The following KLF13 variants were observed in gnomAD, a reference collection of about 807,000 sequenced individuals.
The protein encoded by KLF13 is KLF transcription factor 13, also known as Krueppel-like factor 13.
KLF13 carries 8 observed loss-of-function variants against 16.7 expected under a neutral mutation model. The ratio of observed to expected loss-of-function variants is 0.48; its 90% CI spans 0.28 to 0.87. KLF13 has a LOEUF of 0.87. Among genes scored for constraint, KLF13 ranks in the 40% least tolerant of loss-of-function variants. The pLI, the probability that KLF13 is intolerant of heterozygous loss-of-function variation, is 0.10. For synonymous variants in KLF13, 245 were observed against 208.4 expected (o/e 1.18, Z -1.51); for missense variants, 447 against 452.2 (o/e 0.99, Z 0.10).
chr15:31,351,405 C>T (rs1490161626), intron 1 of KLF13, among the ~76,000 whole-genome samples: 2 of 152,200 alleles, frequency 1.3e-5, no homozygotes, highest in African/African-American at 2.4e-5. Context: ...TTCTGTTCTA[C>T]ATTTTCCTGC....
In KLF13 at chr15:31,372,255, T is replaced by A; in HGVS notation, c.823T>A (p.Ser275Thr). The change falls in exon 2 of 2, where the codon TCC becomes ACC. Residue 275 changes from serine (S) to threonine (T), a missense_variant. By Grantham distance (58) the Ser-to-Thr change is moderately conservative (BLOSUM62 1). This residue lies in a region of KLF13 where 88 missense variants were observed against 169.5 expected (regional missense o/e 0.52). Transcript: ENST00000307145. ...RTGSLSDYSR[S>T]DASSPTISPA... ...CGGCTCCCTCAGCGACTACAGCCGC[T>A]CCGACGCCAGCAGCCCCACCATCAG... is the stretch of plus-strand genomic sequence containing the variant. The A allele has an allele frequency of 6.5e-7, 1 of 1,543,770 alleles. No homozygotes were observed. The highest frequency in any genetic ancestry group is 1.2e-5 in the South Asian group (1 of 84,348).
intron 1 of KLF13, among the ~76,000 whole-genome samples, chr15:31,334,161 C>T (rs2038886457): frequency 1.3e-5 from 2 of 152,204 alleles, no homozygotes; most frequent in South Asian, 4.1e-4. Context: ...GTGCTCCTTT[C>T]CCCAAACAGA....
chr15:31,339,131 C>T (rs1298481868), intron 1 of KLF13, among the ~76,000 whole-genome samples: 1 of 152,154 alleles, frequency 6.6e-6, no homozygotes, highest in African/African-American at 2.4e-5. Flanking sequence ...TCCTCCTACA[C>T]AGCAGAACTG....
chr15:31,385,119 CAAG>C (rs767386392), intron 1 of KLF13, among the ~76,000 whole-genome samples: 5 of 152,206 alleles, frequency 3.3e-5, no homozygotes, highest in African/African-American at 7.2e-5. Flanking sequence ...CATCTGCAAA[CAAG>C]GAGGAGAGCC....
intron 1 of KLF13, among the ~76,000 whole-genome samples, chr15:31,383,880 C>A (rs575016262): frequency 2.6e-5 from 4 of 151,652 alleles, no homozygotes. Flanking sequence ...CCAGCCTGGG[C>A]AACAGAGCGA....
chr15:31,332,630 G>A (rs1011431787), intron 1 of KLF13, among the ~76,000 whole-genome samples: 1 of 152,228 alleles, frequency 6.6e-6, no homozygotes, highest in Non-Finnish European at 1.5e-5. Context: ...GCAGAGATGG[G>A]GGCCTGATCC....
At chr15:31,335,798 A>G (rs1160273597) in intron 1 of KLF13, among the ~76,000 whole-genome samples, 2 of 152,136 alleles carry the variant, frequency 1.3e-5, no homozygotes, top group African/African-American at 4.8e-5. Context: ...CTCTGCATGG[A>G]TGGGTGACCC....
chr15:31,432,595 T>G (rs113102367), intron 1 of KLF13, among the ~76,000 whole-genome samples: 2 of 151,896 alleles, frequency 1.3e-5, no homozygotes, highest in Admixed American at 6.6e-5. Flanking sequence ...ACTATAGGCA[T>G]GCACCACCAC....
intron 2 of KLF13, among the ~76,000 whole-genome samples, chr15:31,395,683 A>C (rs1335533491): frequency 1.3e-5 from 2 of 152,256 alleles, no homozygotes; most frequent in African/African-American, 2.4e-5. Context: ...AGCCATCGTC[A>C]CGGATGTGAA....
chr15:31,327,113 G>GGCCCC lies in KLF13; in HGVS notation c.-100_-99insGCCCC. ...CCAGCCCAGCCCGAGGAGAGGGCGC[G>GGCCCC]CCGCGCCCCCGCCCCCCGCCCGCTC... On this transcript the variant is annotated 5_prime_UTR_variant, in exon 1 of 2. Transcript: ENST00000307145. The GGCCCC allele has an allele frequency of 1.1e-6, 1 of 951,534 alleles. No homozygotes were observed. Among genetic ancestry groups the GGCCCC allele is most frequent in the Non-Finnish European group, 1.3e-6 (1 of 764,608 alleles). 58.9% of individuals were successfully genotyped at this position (951,534 alleles called of 1,614,324 possible). A position where few individuals can be genotyped will look rare whatever the true frequency, so the allele number is the denominator to read the frequency against.
At chr15:31,402,789 G>A (rs763239176) in intron 2 of KLF13, among the ~76,000 whole-genome samples, 63 of 152,170 alleles carry the variant, frequency 4.1e-4, no homozygotes, top group Non-Finnish European at 8.7e-4. Context: ...TTTCCCCTGG[G>A]ATGTGTAGGC....
chr15:31,422,728 T>A (rs1405266865), intron 1 of KLF13, among the ~76,000 whole-genome samples: 3 of 151,950 alleles, frequency 2.0e-5, no homozygotes, highest in Non-Finnish European at 4.4e-5. Flanking sequence ...AAAATGAACA[T>A]ATAACAATAA....
intron 1 of KLF13, among the ~76,000 whole-genome samples, chr15:31,420,826 G>A (rs141040194): frequency 1.3e-5 from 2 of 151,944 alleles, no homozygotes; most frequent in East Asian, 3.9e-4. Flanking sequence ...CCGAGTAGCT[G>A]GGATTACAAG....
At chr15:31,330,889 A>G (rs141858488) in intron 1 of KLF13, among the ~76,000 whole-genome samples, 66 of 152,334 alleles carry the variant, frequency 4.3e-4, no homozygotes, top group African/African-American at 1.5e-3. Context: ...GGGGAGCAGC[A>G]AGACCAGGAG....
intron 1 of KLF13, among the ~76,000 whole-genome samples, chr15:31,336,763 A>G (rs1197173692): frequency 1.3e-5 from 2 of 152,138 alleles, no homozygotes; most frequent in Non-Finnish European, 2.9e-5. Context: ...GCATGGGTCC[A>G]GCAGGTCATT....
intron 1 of KLF13, among the ~76,000 whole-genome samples, chr15:31,340,853 G>A (rs572356669): frequency 4.5e-4 from 68 of 152,234 alleles, no homozygotes; most frequent in African/African-American, 1.5e-3. Flanking sequence ...TGGGCGACAC[G>A]GGGAGATCCT....
At chr15:31,425,070 G>A (rs1037822391) in intron 1 of KLF13, among the ~76,000 whole-genome samples, 7 of 151,950 alleles carry the variant, frequency 4.6e-5, no homozygotes, top group African/African-American at 1.4e-4. Flanking sequence ...TCAGGAATAA[G>A]CTTAATCAAG....
intron 1 of KLF13, among the ~76,000 whole-genome samples, chr15:31,335,604 G>T (rs892370779): frequency 3.4e-4 from 51 of 152,134 alleles, no homozygotes; most frequent in Non-Finnish European, 2.2e-4. Flanking sequence ...TTGGCAGGGG[G>T]AGTATTCTGT....
intron 1 of KLF13, 87 bp from the exon 2 acceptor site, chr15:31,371,923 G>A: frequency 7.1e-7 from 1 of 1,400,572 alleles, no homozygotes; most frequent in South Asian, 1.4e-5. Flanking sequence ...GAGAGACCAG[G>A]GTGTTGGGTG....
Sources: allele counts gnomAD v4.1 joint callset (sites outside exome capture counted in the v4.1 genomes callset), GRCh38; gene constraint gnomAD v4.1.1; regional missense constraint gnomAD v4.1.1; transcripts MANE v1.5; gene names NCBI Gene and HGNC (gene_info 2026-07-23, HGNC 2026-07-21).